RFX3: variants seen among roughly 807,000 people sequenced by gnomAD.
RFX3 encodes regulatory factor X3.
A neutral mutation model predicts 98.6 loss-of-function variants in RFX3; 14 were observed. That is an observed-to-expected ratio of 0.14 (90% confidence interval 0.09 to 0.22). The LOEUF (loss-of-function observed/expected upper bound fraction) is 0.22. RFX3 is among the 10% of genes least tolerant of loss of function. The probability of loss-of-function intolerance (pLI) is 1.00; values close to 1 mark genes in which losing one functional copy is unlikely to be tolerated. For missense variants in RFX3, 639 were observed against 926.9 expected (o/e 0.69, Z 4.03); for synonymous variants, 383 against 328.4 (o/e 1.17, Z -1.80).
chr9:3,336,977 T>C (rs1833263851), intron 3 of RFX3, among the ~76,000 whole-genome samples: 1 of 152,210 alleles, frequency 6.6e-6, no homozygotes, highest in South Asian at 2.1e-4. Flanking sequence ...ACGCCTAATT[T>C]TCTCACGGTG....
chr9:3,498,152 T>A (rs1851244984), intron 1 of RFX3, among the ~76,000 whole-genome samples: 1 of 151,980 alleles, frequency 6.6e-6, no homozygotes, highest in African/African-American at 2.4e-5. Flanking sequence ...ACATTAGCAA[T>A]CACATACTAA....
intron 4 of RFX3, chr9:3,323,993 G>C (rs2130787797): frequency 2.3e-6 from 1 of 427,088 alleles, no homozygotes; most frequent in Non-Finnish European, 5.0e-6. Context: ...TAAATGCTTT[G>C]AAAATGAGGC....
chr9:3,277,589 T>G (rs1825400796), intron 7 of RFX3, 128 bp from the exon 8 acceptor site: 1 of 744,518 alleles, frequency 1.3e-6, no homozygotes, highest in Admixed American at 3.1e-5. Context: ...TGTAGGATTT[T>G]TTTCCTTGAT....
At chr9:3,483,337 C>T (rs1309550377) in intron 1 of RFX3, among the ~76,000 whole-genome samples, 1 of 152,172 alleles carries the variant, frequency 6.6e-6, no homozygotes, top group African/African-American at 2.4e-5. Context: ...TATGTCCAAT[C>T]TATAATAACA....
intron 2 of RFX3, among the ~76,000 whole-genome samples, chr9:3,371,436 T>C (rs930830805): frequency 2.0e-5 from 3 of 152,192 alleles, no homozygotes; most frequent in Non-Finnish European, 4.4e-5. Flanking sequence ...ACAATAACTA[T>C]CAAATAATTG....
At chr9:3,226,084 G>C (rs999899660) in intron 16 of RFX3, among the ~76,000 whole-genome samples, 2 of 152,114 alleles carry the variant, frequency 1.3e-5, no homozygotes, top group African/African-American at 4.8e-5. Flanking sequence ...GTACATTAGA[G>C]AGAGAAAATG....
intron 1 of RFX3, among the ~76,000 whole-genome samples, chr9:3,490,680 G>C (rs918583368): frequency 6.6e-6 from 1 of 152,056 alleles, no homozygotes; most frequent in Non-Finnish European, 1.5e-5. Context: ...AAGAATATGT[G>C]CTTTTAAACT....
At chr9:3,503,132 A>C (rs1250419916) in intron 1 of RFX3, among the ~76,000 whole-genome samples, 2 of 152,158 alleles carry the variant, frequency 1.3e-5, no homozygotes, top group Non-Finnish European at 2.9e-5. Context: ...TAATGTCAGA[A>C]ATAACCAGGT....
chr9:3,412,255 T>G (rs1842524277), intron 1 of RFX3, among the ~76,000 whole-genome samples: 1 of 152,206 alleles, frequency 6.6e-6, no homozygotes, highest in African/African-American at 2.4e-5. Context: ...AAATGTAAGC[T>G]CACAGACTCT....
At chr9:3,229,007 T>C (rs1818134002) in intron 15 of RFX3, 118 bp from the exon 16 acceptor site, 2 of 716,638 alleles carry the variant, frequency 2.8e-6, no homozygotes, top group Admixed American at 3.0e-5. Flanking sequence ...CTAGTGGCCA[T>C]TTTGATCTCT....
At chr9:3,263,757 A>G (rs1823227465) in intron 12 of RFX3, among the ~76,000 whole-genome samples, 2 of 152,172 alleles carry the variant, frequency 1.3e-5, no homozygotes, top group South Asian at 2.1e-4. Context: ...TGTGCCCAGG[A>G]AGATTGATCC....
At chr9:3,423,203 G>T (rs796928085) in intron 1 of RFX3, among the ~76,000 whole-genome samples, 1 of 152,028 alleles carries the variant, frequency 6.6e-6, no homozygotes, top group Non-Finnish European at 1.5e-5. Flanking sequence ...GTTTTCAAAC[G>T]GTACAACCAC....
chr9:3,294,657 T>C (rs1372454392), intron 5 of RFX3, among the ~76,000 whole-genome samples: 1 of 152,204 alleles, frequency 6.6e-6, no homozygotes, highest in African/African-American at 2.4e-5. Flanking sequence ...ACTTTAGTCA[T>C]GACAACTGAA....
Position 3,224,402 on chromosome 9 carries a change from C to T in RFX3, c.*640G>A, listed in dbSNP as rs1817546411. On this transcript the variant is annotated 3_prime_UTR_variant, in exon 17 of 17. Coordinates refer to ENST00000617270, the MANE Select transcript of RFX3 (RefSeq NM_001282116.2). ...ATGTACATATTAGCATAATCTCTTGCAATTCTGTCATTTACTCTGAACTGA... is the reference window on the plus strand; with the variant it reads ...ATGTACATATTAGCATAATCTCTTGTAATTCTGTCATTTACTCTGAACTGA... 6.6e-6 allele frequency: 1 copy of T among 152,180 alleles called. No homozygotes were observed. The highest frequency in any genetic ancestry group is 2.4e-5 in the African/African-American group (1 of 41,426). 9.4% of individuals were successfully genotyped at this position (152,180 alleles called of 1,614,324 possible). A position where few individuals can be genotyped will look rare whatever the true frequency, so the allele number is the denominator to read the frequency against.
At chr9:3,457,898 G>A (rs984935590) in intron 1 of RFX3, among the ~76,000 whole-genome samples, 1 of 152,022 alleles carries the variant, frequency 6.6e-6, no homozygotes, top group African/African-American at 2.4e-5. Context: ...TAGACTGCTA[G>A]GTGGAATTGT....
intron 1 of RFX3, among the ~76,000 whole-genome samples, chr9:3,414,604 A>G (rs145992491): frequency 2.6e-4 from 38 of 148,342 alleles, no homozygotes; most frequent in African/African-American, 8.1e-4. Context: ...TATATATGCT[A>G]GTAGTATCTA....
At position 3,247,962 on chromosome 9, in the gene RFX3, T is replaced by G. The variant is rs759570766; in HGVS notation, c.1968+70A>C. 5 of 1,613,862 alleles carry G rather than the reference T, an allele frequency of 3.1e-6. No individual in the cohort carries two copies. In the East Asian group the frequency reaches 1.1e-4, roughly 36 times the overall value. On this transcript the variant is annotated intron_variant, in intron 15 of 16. Coordinates refer to ENST00000617270, the MANE Select transcript of RFX3 (RefSeq NM_001282116.2). ...ACCATGGTTTTAATCAATAATGTAT[T>G]TAGACTGAAGTGTAATTCTGGCTTA...
intron 1 of RFX3, among the ~76,000 whole-genome samples, chr9:3,410,130 G>A (rs140910571): frequency 0.011 from 1,585 of 146,096 alleles, 18 homozygotes; most frequent in East Asian, 0.034. Context: ...CTCTGTTTCA[G>A]GGTGTTTAAC....
intron 2 of RFX3, among the ~76,000 whole-genome samples, chr9:3,351,663 T>C (rs1339971365): frequency 6.6e-6 from 1 of 151,894 alleles, no homozygotes; most frequent in Non-Finnish European, 1.5e-5. Flanking sequence ...GGTGGGTGGG[T>C]CACAAAATTA....
Sources: gnomAD v4.1 joint callset for allele counts (sites outside exome capture counted in the v4.1 genomes callset) on GRCh38, gnomAD v4.1.1 for gene constraint, MANE v1.5 for transcripts, NCBI Gene and HGNC (gene_info 2026-07-23, HGNC 2026-07-21) for gene names.